The following COL4A2 variants were observed in gnomAD, a reference collection of about 807,000 sequenced individuals.
COL4A2 encodes collagen type IV alpha 2 chain.
COL4A2 carries 99 observed loss-of-function variants against 200.2 expected under a neutral mutation model. The observed-to-expected ratio is 0.49, with a 90% CI of 0.42 to 0.58. COL4A2 has a LOEUF of 0.58. Among genes scored for constraint, COL4A2 ranks in the 20% least tolerant of loss-of-function variants. COL4A2 has a pLI of 0.00. For missense variants in COL4A2, 1,950 were observed against 2,314.1 expected (o/e 0.84, Z 3.23); for synonymous variants, 897 against 900.6 (o/e 1.00, Z 0.07).
At position 110,434,443 on chromosome 13, in the gene COL4A2, G is replaced by A; in HGVS notation, c.726+1G>A. The A allele has an allele frequency of 6.2e-7, 1 of 1,613,790 alleles. No individual in the cohort carries two copies. The highest frequency in any genetic ancestry group is 8.5e-7 in the Non-Finnish European group (1 of 1,179,774). On this transcript the variant is annotated splice_donor_variant, in intron 12 of 47. Coordinates refer to ENST00000360467, the MANE Select transcript of COL4A2 (RefSeq NM_001846.4). LOFTEE classifies it high-confidence loss of function. ...TTTCTACGGAGTTAAGGGTGAAAAG[G>A]TAAAGGAAGCCTGGTCAATTCCAGC...
At chr13:110,452,755 T>TA (rs1432288145) in intron 20 of COL4A2, among the ~76,000 whole-genome samples, 16 of 149,958 alleles carry the variant, frequency 1.1e-4, no homozygotes, top group African/African-American at 2.5e-4. Flanking sequence ...TGAACTTTAT[T>TA]TTTTTATTTT....
intron 40 of COL4A2, 142 bp downstream of exon 40, chr13:110,495,609 T>C: frequency 9.4e-7 from 1 of 1,058,676 alleles, no homozygotes; most frequent in Non-Finnish European, 1.3e-6. Context: ...GGACTACCTG[T>C]TGCAGGACCT....
chr13:110,465,888 T>C, intron 25 of COL4A2, 115 bp from the exon 26 acceptor site: 1 of 1,301,732 alleles, frequency 7.7e-7, no homozygotes, highest in Non-Finnish European at 1.1e-6. Flanking sequence ...AAAGCCTTCC[T>C]GCCCCCACCA....
intron 3 of COL4A2, among the ~76,000 whole-genome samples, chr13:110,314,456 A>G (rs1327140077): frequency 6.6e-6 from 1 of 152,196 alleles, no homozygotes; most frequent in Non-Finnish European, 1.5e-5. Flanking sequence ...CACTTAGTGG[A>G]AAATACAGCA....
intron 4 of COL4A2, among the ~76,000 whole-genome samples, chr13:110,369,478 A>C (rs1316298903): frequency 6.6e-6 from 1 of 152,166 alleles, no homozygotes; most frequent in Non-Finnish European, 1.5e-5. Context: ...AGCATGTCAG[A>C]TAAGGAGCAC....
chr13:110,453,364 G>A (rs541665179), intron 20 of COL4A2, among the ~76,000 whole-genome samples: 5 of 152,162 alleles, frequency 3.3e-5, no homozygotes, highest in African/African-American at 1.2e-4. Flanking sequence ...AGCCAAGTGC[G>A]GTGGTGCATG....
chr13:110,328,758 C>T (rs951340628), intron 3 of COL4A2, among the ~76,000 whole-genome samples: 2 of 152,210 alleles, frequency 1.3e-5, no homozygotes, highest in Non-Finnish European at 2.9e-5. Context: ...CTCCGTCACC[C>T]AGCAGCGTCT....
At chr13:110,446,482 G>C (rs191619352) in intron 17 of COL4A2, among the ~76,000 whole-genome samples, 2 of 152,170 alleles carry the variant, frequency 1.3e-5, no homozygotes, top group Admixed American at 6.5e-5. Flanking sequence ...AGGCGGCTCG[G>C]CTATCACTAC....
At chr13:110,311,695 C>G (rs1301478207) in intron 3 of COL4A2, among the ~76,000 whole-genome samples, 1 of 152,232 alleles carries the variant, frequency 6.6e-6, no homozygotes, top group Non-Finnish European at 1.5e-5. Flanking sequence ...CTTGAAAGCA[C>G]TCACTGTAGC....
intron 3 of COL4A2, among the ~76,000 whole-genome samples, chr13:110,314,139 C>G (rs8000373): frequency 0.026 from 3,893 of 152,270 alleles, 174 homozygotes; most frequent in African/African-American, 0.09. Context: ...ATGTTGATTT[C>G]TTAGTTTTCA....
At chr13:110,308,508 C>T (rs1884873045) in intron 3 of COL4A2, among the ~76,000 whole-genome samples, 1 of 152,114 alleles carries the variant, frequency 6.6e-6, no homozygotes, top group Non-Finnish European at 1.5e-5. Context: ...AACTCGGGAG[C>T]TGGTGGGGAG....
intron 3 of COL4A2, among the ~76,000 whole-genome samples, chr13:110,321,468 AT>A (rs781498251): frequency 4.6e-5 from 7 of 152,276 alleles, no homozygotes; most frequent in Non-Finnish European, 8.8e-5. Flanking sequence ...TTCCATGTGC[AT>A]TAAATACCTC....
intron 4 of COL4A2, among the ~76,000 whole-genome samples, chr13:110,393,912 A>C (rs901176886): frequency 2.1e-4 from 32 of 152,190 alleles, no homozygotes; most frequent in South Asian, 6.2e-4. Context: ...CTCAGATACA[A>C]TGAGGGTCAA....
At chr13:110,314,482 G>A (rs985527326) in intron 3 of COL4A2, among the ~76,000 whole-genome samples, 8 of 152,194 alleles carry the variant, frequency 5.3e-5, no homozygotes, top group South Asian at 4.1e-4. Context: ...AGACCCAAGC[G>A]AAGCCTGAGT....
At chr13:110,488,296 AT>A (rs1883172999) in intron 34 of COL4A2, among the ~76,000 whole-genome samples, 1 of 152,222 alleles carries the variant, frequency 6.6e-6, no homozygotes, top group African/African-American at 2.4e-5. Flanking sequence ...AAGTGCTGGG[AT>A]TCTAGGCCTG....
At chr13:110,418,301 A>G (rs1444602393) in intron 4 of COL4A2, among the ~76,000 whole-genome samples, 1 of 152,180 alleles carries the variant, frequency 6.6e-6, no homozygotes, top group Non-Finnish European at 1.5e-5. Flanking sequence ...TTTTGCAAAT[A>G]TGTCTCCCAG....
chr13:110,353,861 T>C (rs1243917015), intron 3 of COL4A2, among the ~76,000 whole-genome samples: 2 of 152,228 alleles, frequency 1.3e-5, no homozygotes, highest in Non-Finnish European at 2.9e-5. Context: ...TGCCTCTCAA[T>C]GAGGTATTCC....
chr13:110,320,301 C>T lies in COL4A2; in HGVS notation c.99+12178C>T, dbSNP rs562524777. ...TTGGCCCCCTACGGCGACCCCCTGC[C>T]GCGTGGGTGCCACTGGCACCTCCCC... On this transcript the variant is annotated intron_variant, in intron 3 of 47. Transcript: ENST00000360467. 1.5e-4 allele frequency among the ~76,000 whole-genome samples: 23 copies of T among 152,314 alleles called. No individual in the cohort carries two copies. The South Asian group carries it at 3.3e-3, about 22-fold the overall frequency.
At position 110,307,809 on chromosome 13, in the gene COL4A2, T is replaced by TGGGC; in HGVS notation, c.-44-50_-44-47dup. On this transcript the variant is annotated intron_variant, in intron 1 of 47. Transcript: ENST00000360467. This position sits in a 1 kb window ranked among gnomAD's most constrained non-coding sequence, Gnocchi z 5.0. ...CGCGGACCGAGACCGGCGGTGAGGA[T>TGGGC]GGGCTGCCTCCCTCATCCTGCGCTA... is the stretch of plus-strand genomic sequence containing the variant. The TGGGC allele has an allele frequency of 1.4e-6, 2 of 1,470,266 alleles. No individual in the cohort carries two copies. The highest frequency in any genetic ancestry group is 1.8e-6 in the Non-Finnish European group (2 of 1,091,716). 91.1% of individuals were successfully genotyped at this position (1,470,266 alleles called of 1,614,324 possible).
Sources: allele counts gnomAD v4.1 joint callset (sites outside exome capture counted in the v4.1 genomes callset), GRCh38; gene constraint gnomAD v4.1.1; non-coding constraint Gnocchi (gnomAD v3.1); transcripts MANE v1.5; gene names NCBI Gene and HGNC (gene_info 2026-07-23, HGNC 2026-07-21).